HUNK: variants seen among roughly 807,000 people sequenced by gnomAD.
The protein encoded by HUNK is hormonally up-regulated neu tumor-associated kinase.
In HUNK, 21 loss-of-function variants were observed where a neutral mutation model predicts 61.0. That is an observed-to-expected ratio of 0.34 (90% CI 0.24 to 0.50). The LOEUF (loss-of-function observed/expected upper bound fraction) is 0.50, where lower values mean the gene tolerates loss of function less well. Ranked by LOEUF, HUNK falls within the 20% of genes least tolerant of loss-of-function variation. HUNK has a pLI of 0.98. For synonymous variants in HUNK, 371 were observed against 386.1 expected, an observed-to-expected ratio of 0.96 and a Z score of 0.46; for missense variants, 772 against 945.7, an observed-to-expected ratio of 0.82 and a Z score of 2.41.
chr21:31,969,876 T>C (rs2052998097), intron 6 of HUNK, among the ~76,000 whole-genome samples: 1 of 152,166 alleles, frequency 6.6e-6, no homozygotes, highest in Admixed American at 6.6e-5. Context: ...CATTTCCTTG[T>C]ATATTTTTTT....
intron 2 of HUNK, among the ~76,000 whole-genome samples, chr21:31,934,245 G>T (rs537659826): frequency 1.3e-4 from 20 of 152,070 alleles, no homozygotes; most frequent in Non-Finnish European, 1.3e-4. Flanking sequence ...CACGAGGTCA[G>T]GAGATCGAGA....
chr21:31,945,950 G>GC, intron 3 of HUNK, 86 bp from the exon 4 acceptor site: 1 of 1,306,476 alleles, frequency 7.7e-7, no homozygotes, highest in South Asian at 1.4e-5. Flanking sequence ...CTTTCCTGCT[G>GC]CCCTTTTTAT....
chr21:31,995,857 A>C lies in HUNK; in HGVS notation c.1395A>C (p.Lys465Asn), dbSNP rs780665957. Residue 465 changes from lysine to asparagine, a missense_variant, in exon 10 of 11, where the codon AAA becomes AAC. Physicochemically the swap from Lys to Asn is moderately conservative, Grantham distance 94. This residue lies in a region of HUNK where 413 missense variants were observed against 444.4 expected (regional missense o/e 0.93). Coordinates refer to ENST00000270112, the MANE Select transcript of HUNK (RefSeq NM_014586.2). ...KKLDKNLPSHKQPSGSLMTQI... is the reference protein window; with the variant it reads ...KKLDKNLPSHNQPSGSLMTQI... Reference sequence around the variant, plus strand: ...TGGACAAGAACCTGCCCTCGCACAAACAGCCCTCAGGCTCGCTTATGACAC... The same window carrying C: ...TGGACAAGAACCTGCCCTCGCACAACCAGCCCTCAGGCTCGCTTATGACAC... The C allele has an allele frequency of 2.5e-6, 4 of 1,613,972 alleles. No homozygotes were observed. The African/African-American group carries it at 4.0e-5, about 16-fold the overall frequency.
At chr21:31,955,407 A>G (rs2052882265) in intron 4 of HUNK, among the ~76,000 whole-genome samples, 2 of 149,456 alleles carry the variant, frequency 1.3e-5, no homozygotes, top group Admixed American at 6.7e-5. Flanking sequence ...TGGCTAACAC[A>G]GTGAAACCCC....
At chr21:31,922,880 C>CA in intron 1 of HUNK, among the ~76,000 whole-genome samples, 1 of 152,108 alleles carries the variant, frequency 6.6e-6, no homozygotes. Flanking sequence ...AATGTAATTA[C>CA]AAAAAAGAGA....
chr21:31,965,594 CTTTTT>C (rs71193162), intron 5 of HUNK, among the ~76,000 whole-genome samples: 11 of 127,472 alleles, frequency 8.6e-5, no homozygotes, highest in African/African-American at 2.1e-4. Context: ...CTTTGTTTTT[CTTTTT>C]TTTTTTTTTT....
At chr21:31,983,777 C>T (rs889738698) in intron 8 of HUNK, among the ~76,000 whole-genome samples, 168 bp downstream of exon 8, 32 of 152,162 alleles carry the variant, frequency 2.1e-4, no homozygotes, top group Admixed American at 2.1e-3. Flanking sequence ...ACCAGCTTTG[C>T]GGTGTCTAAA....
chr21:31,909,954 C>T (rs777557916), intron 1 of HUNK, among the ~76,000 whole-genome samples: 24 of 152,192 alleles, frequency 1.6e-4, no homozygotes, highest in South Asian at 6.2e-4. Context: ...AGCCGGGAGC[C>T]GGGAGCCCTC....
At chr21:31,978,576 C>T (rs965747139) in intron 7 of HUNK, among the ~76,000 whole-genome samples, 1 of 152,122 alleles carries the variant, frequency 6.6e-6, no homozygotes, top group African/African-American at 2.4e-5. Flanking sequence ...TGAGATTGTA[C>T]ACTATTTGTC....
chr21:31,897,797 A>G (rs2052435430), intron 1 of HUNK, among the ~76,000 whole-genome samples: 1 of 152,210 alleles, frequency 6.6e-6, no homozygotes, highest in African/African-American at 2.4e-5. Flanking sequence ...GCTAAAAGGT[A>G]GACTGCCCTG....
At chr21:31,997,949 ACT>A (rs768839257) in intron 10 of HUNK, among the ~76,000 whole-genome samples, 2 of 151,200 alleles carry the variant, frequency 1.3e-5, no homozygotes, top group Non-Finnish European at 2.9e-5. Context: ...ACAGAGTCTC[ACT>A]CTGTCACCCA....
Position 31,902,130 on chromosome 21 carries a change from A to G in HUNK, c.262-22338A>G, listed in dbSNP as rs76960388. ...CCCTGCAAAACACTGTACATGCTTC[A>G]TGTAACTCCCACAAGCCCTACGAGG... On this transcript the variant is annotated intron_variant, in intron 1 of 10. Coordinates refer to ENST00000270112, the MANE Select transcript of HUNK (RefSeq NM_014586.2). 3.3e-5 allele frequency among the ~76,000 whole-genome samples: 5 copies of G among 152,312 alleles called. No individual in the cohort carries two copies. The East Asian group carries it at 9.7e-4, about 29-fold the overall frequency.
chr21:31,923,731 T>C (rs1429974101), intron 1 of HUNK, among the ~76,000 whole-genome samples: 1 of 152,076 alleles, frequency 6.6e-6, no homozygotes, highest in East Asian at 1.9e-4. Context: ...CCTTCTGTTC[T>C]TCCCTCCCTC....
At chr21:31,888,794 A>G (rs2052366705) in intron 1 of HUNK, among the ~76,000 whole-genome samples, 1 of 152,110 alleles carries the variant, frequency 6.6e-6, no homozygotes, top group Non-Finnish European at 1.5e-5. Flanking sequence ...AGGGGGTTGT[A>G]TGTGCACACA....
At chr21:31,968,477 G>C in intron 6 of HUNK, 92 bp downstream of exon 6, 1 of 1,490,792 alleles carries the variant, frequency 6.7e-7, no homozygotes, top group Non-Finnish European at 9.1e-7. Context: ...GTCCGTGATT[G>C]AAGGAAAAGC....
At chr21:31,945,149 T>C (rs1272339995) in intron 3 of HUNK, among the ~76,000 whole-genome samples, 1 of 152,132 alleles carries the variant, frequency 6.6e-6, no homozygotes, top group Non-Finnish European at 1.5e-5. Flanking sequence ...ACATTGAAGT[T>C]CAAAGGATGA....
At chr21:31,898,697 G>A (rs2052442758) in intron 1 of HUNK, among the ~76,000 whole-genome samples, 1 of 152,126 alleles carries the variant, frequency 6.6e-6, no homozygotes, top group African/African-American at 2.4e-5. Context: ...GAGCTTTGTT[G>A]TGGAGTGGGG....
At chr21:31,946,199 T>C in intron 4 of HUNK, 28 bp downstream of exon 4, 1 of 1,600,260 alleles carries the variant, frequency 6.2e-7, no homozygotes, top group Non-Finnish European at 8.6e-7. Context: ...TGAAAGTCAG[T>C]GTTCCTCCTG....
chr21:31,987,080 A>G (rs1345176437), intron 8 of HUNK, among the ~76,000 whole-genome samples: 1 of 152,200 alleles, frequency 6.6e-6, no homozygotes, highest in African/African-American at 2.4e-5. Flanking sequence ...AACAAATGAA[A>G]AGATCAAGTG....
Sources: allele counts gnomAD v4.1 joint callset (sites outside exome capture counted in the v4.1 genomes callset), GRCh38; gene constraint gnomAD v4.1.1; regional missense constraint gnomAD v4.1.1; transcripts MANE v1.5; gene names NCBI Gene and HGNC (gene_info 2026-07-23, HGNC 2026-07-21).